Variants in PGR observed in about 807,000 individuals in gnomAD.
PGR encodes progesterone receptor, also known as nuclear receptor subfamily 3 group C member 3.
In PGR, 25 loss-of-function variants were observed where a neutral mutation model predicts 76.1. The observed-to-expected ratio is 0.33, with a 90% CI of 0.24 to 0.46. The LOEUF (loss-of-function observed/expected upper bound fraction) is 0.46, where lower values mean the gene tolerates loss of function less well. Among genes scored for constraint, PGR ranks in the 20% least tolerant of loss-of-function variants. The pLI, the probability that PGR is intolerant of heterozygous loss-of-function variation, is 1.00. For missense variants in PGR, 1,172 were observed against 1,225.3 expected (o/e 0.96, Z 0.65); for synonymous variants, 579 against 535.0 (o/e 1.08, Z -1.14).
At chr11:101,076,919 AT>A (rs59106149) in intron 3 of PGR, among the ~76,000 whole-genome samples, 1,426 of 64,984 alleles carry the variant, frequency 0.022, 10 homozygotes, top group African/African-American at 0.068. Flanking sequence ...TACAAATGGA[AT>A]TTTTTTTTTT....
Position 101,128,843 on chromosome 11 carries a change from G to A in PGR, c.228C>T (p.Asp76=), listed in dbSNP as rs760178815. Residue 76 remains aspartate (D), a synonymous_variant, in exon 1 of 8, where the codon GAC becomes GAT. Transcript: ENST00000325455. ...GQDPSDEKTQ[D]QQSLSDVEGA... ...CCTCCACGTCCGACAGCGACTGCTG[G>A]TCCTGCGTCTTTTCGTCGGAGGGGT... The A allele has an allele frequency of 1.9e-6, 3 of 1,614,170 alleles. No individual in the cohort carries two copies. The highest frequency in any genetic ancestry group is 4.5e-5 in the East Asian group (2 of 44,862).
At chr11:101,094,502 A>G (rs1181053259) in intron 2 of PGR, among the ~76,000 whole-genome samples, 2 of 151,892 alleles carry the variant, frequency 1.3e-5, no homozygotes, top group African/African-American at 4.8e-5. Context: ...CTTATTCCTT[A>G]TATGTGGTGT....
chr11:101,059,457 C>A (rs6590837), intron 4 of PGR, among the ~76,000 whole-genome samples: 3,119 of 152,064 alleles, frequency 0.021, 82 homozygotes, highest in African/African-American at 0.057. Flanking sequence ...AAAGCCCATG[C>A]AAAATCACTC....
intron 6 of PGR, among the ~76,000 whole-genome samples, chr11:101,044,981 A>G (rs1859818245): frequency 6.6e-6 from 1 of 152,080 alleles, no homozygotes; most frequent in African/African-American, 2.4e-5. Flanking sequence ...TGCTGGAATT[A>G]CGGGCTTGAG....
rs1286089041 is a variant in PGR at position 101,042,089 on chromosome 11, C to A, written c.2502G>T (p.Gly834=). The A allele has an allele frequency of 6.2e-7, 1 of 1,613,216 alleles. No individual in the cohort carries two copies. Among genetic ancestry groups the A allele is most frequent in the African/African-American group, 1.3e-5 (1 of 74,822 alleles). Residue 834 remains glycine, a synonymous_variant, in exon 7 of 8, where the codon GGG becomes GGT. Coordinates refer to ENST00000325455, the MANE Select transcript of PGR (RefSeq NM_000926.4). ...CCTCAAACTGGGTTTGACTTCGTAG[C>A]CCTTCCAAAGGAACTGTTAAGAAGA... ...LLLLNTIPLE[G]LRSQTQFEEM...
rs550964369 is a variant in PGR at position 101,113,483 on chromosome 11, G to C, written c.1789+12524C>G. On this transcript the variant is annotated intron_variant, in intron 2 of 7. Transcript: ENST00000325455. ...GGGTTTCTTTCACCGTGTTAGCCAG[G>C]ATGGTCACGATCTCCTGACCTCGTG... Among the ~76,000 whole-genome samples, 7 of 151,686 alleles carry C rather than the reference G, an allele frequency of 4.6e-5. No homozygotes were observed. The East Asian group carries it at 1.4e-3, about 29-fold the overall frequency.
At chr11:101,093,671 C>A (rs1861748402) in intron 2 of PGR, among the ~76,000 whole-genome samples, 1 of 152,160 alleles carries the variant, frequency 6.6e-6, no homozygotes, top group African/African-American at 2.4e-5. Flanking sequence ...GTTGGTCAGG[C>A]TGGTCTCGAA....
At position 101,037,901 on chromosome 11, in the gene PGR, T is replaced by C. The variant is rs140035387; in HGVS notation, c.*1215A>G. ...TCCCAGACTCCCAGGAGAGTCACAA[T>C]TGTAAAATAACATGCTACTGTAACT... On this transcript the variant is annotated 3_prime_UTR_variant, in exon 8 of 8. Transcript: ENST00000325455. 6.6e-4 allele frequency: 142 copies of C among 215,466 alleles called. No individual in the cohort carries two copies. The highest frequency in any genetic ancestry group is 2.1e-3 in the African/African-American group (93 of 44,430). 13.3% of individuals were successfully genotyped at this position (215,466 alleles called of 1,614,324 possible). A position where few individuals can be genotyped will look rare whatever the true frequency, so the allele number is the denominator to read the frequency against.
At chr11:101,103,302 G>A (rs543215) in intron 2 of PGR, among the ~76,000 whole-genome samples, 108,289 of 151,882 alleles carry the variant, frequency 0.71, 40,280 homozygotes, top group Non-Finnish European at 0.83. Flanking sequence ...TCTTTGGACT[G>A]GAATCTAAGA....
At position 101,030,366 on chromosome 11, in the gene PGR, A is replaced by G. The variant is rs1341684136; in HGVS notation, c.*8750T>C. 1.3e-5 allele frequency: 3 copies of G among 227,436 alleles called. No homozygotes were observed. Among genetic ancestry groups the G allele is most frequent in the East Asian group, 1.3e-4 (2 of 15,818 alleles). The allele number at this position is 227,436 out of a possible 1,614,324, so 14.1% of individuals were successfully genotyped here. On this transcript the variant is annotated 3_prime_UTR_variant, in exon 8 of 8. Coordinates refer to ENST00000325455, the MANE Select transcript of PGR (RefSeq NM_000926.4). ...TTAAAACATTACATAGAAAATAAGT[A>G]TGTGATGATATCGTTAAAATACATG...
rs537118918 is a variant in PGR at position 101,072,397 on chromosome 11, T to A, written c.1907-9645A>T. ...CATGCCAAATTGTAAAGACCATCGA[T>A]GCTAGGAAGAAACTGCATCAACTAA... On this transcript the variant is annotated intron_variant, in intron 3 of 7. Coordinates refer to ENST00000325455, the MANE Select transcript of PGR (RefSeq NM_000926.4). Among the ~76,000 whole-genome samples the A allele has an allele frequency of 1.9e-3, 291 of 152,208 alleles. 1 individual carries two copies. Among genetic ancestry groups the A allele is most frequent in the African/African-American group, 6.8e-3 (282 of 41,540 alleles).
In PGR at chr11:101,120,034, C is replaced by T. The variant is rs1048271139; in HGVS notation, c.1789+5973G>A. On this transcript the variant is annotated intron_variant, in intron 2 of 7. Transcript: ENST00000325455. ...AGTGCCTGGGTTATAGTGAAGGCGA[C>T]TTAAGTGACTATTAAATGAATAAGC... Among the ~76,000 whole-genome samples, 4 of 152,298 alleles carry T rather than the reference C, an allele frequency of 2.6e-5. No homozygotes were observed. In the South Asian group the frequency reaches 8.3e-4, roughly 32 times the overall value.
In PGR at chr11:101,128,477, C is replaced by T. The variant is rs1388271217; in HGVS notation, c.594G>A (p.Pro198=). 4 of 1,607,632 alleles carry T rather than the reference C, an allele frequency of 2.5e-6. No individual in the cohort carries two copies. Among genetic ancestry groups the T allele is most frequent in the Non-Finnish European group, 3.4e-6 (4 of 1,179,238 alleles). Residue 198 remains proline, a synonymous_variant, in exon 1 of 8, where the codon CCG becomes CCA. Coordinates refer to ENST00000325455, the MANE Select transcript of PGR (RefSeq NM_000926.4). ...GLSPARQLLL[P]ASESPHWSGA... ...CGGACCAGTGAGGGCTCTCAGAGGC[C>T]GGGAGCAGCAGCTGCCGGGCTGGTG...
chr11:101,071,230 G>A (rs1043302457), intron 3 of PGR, among the ~76,000 whole-genome samples: 6 of 152,116 alleles, frequency 3.9e-5, no homozygotes, highest in Admixed American at 6.5e-5. Flanking sequence ...TGCAGCAGAG[G>A]GGCCTGACTG....
In PGR at chr11:101,098,685, T is replaced by TATAAGAAATGCCTAAAAG. The variant is rs1365304379; in HGVS notation, c.1790-6827_1790-6810dup. Among the ~76,000 whole-genome samples the TATAAGAAATGCCTAAAAG allele has an allele frequency of 3.9e-5, 6 of 152,292 alleles. No individual in the cohort carries two copies. The East Asian group carries it at 9.6e-4, about 24-fold the overall frequency. On this transcript the variant is annotated intron_variant, in intron 2 of 7. Coordinates refer to ENST00000325455, the MANE Select transcript of PGR (RefSeq NM_000926.4). The stretch of plus-strand genomic sequence containing the variant: ...GATCCAAAAAAGTTTCAGATACAGA[T>TATAAGAAATGCCTAAAAG]ATAAGAAATGCCTAAAAGATAAGAA...
chr11:101,127,703 C>A lies in PGR; in HGVS notation c.1368G>T (p.Ser456=). 1 of 1,583,234 alleles carries A rather than the reference C, an allele frequency of 6.3e-7. No homozygotes were observed. Among genetic ancestry groups the A allele is most frequent in the Non-Finnish European group, 8.5e-7 (1 of 1,173,748 alleles). The change falls in exon 1 of 8, where the codon TCG becomes TCT. Residue 456 remains serine (S), a synonymous_variant. Coordinates refer to ENST00000325455, the MANE Select transcript of PGR (RefSeq NM_000926.4). Reference sequence around the variant, plus strand: ...CTTTGTACAGGATGCACTCCAGGGTCGACCCCGAGGAGGACGCAGACGAGA... The same window carrying A: ...CTTTGTACAGGATGCACTCCAGGGTAGACCCCGAGGAGGACGCAGACGAGA... ...ASVSSASSSG[S]TLECILYKAE...
chr11:101,088,714 C>T (rs1411621513), intron 3 of PGR, among the ~76,000 whole-genome samples: 1 of 152,160 alleles, frequency 6.6e-6, no homozygotes, highest in African/African-American at 2.4e-5. Context: ...AATTGTTCTA[C>T]TAGAAAGACA....
intron 2 of PGR, among the ~76,000 whole-genome samples, chr11:101,122,012 A>G (rs1176700300): frequency 3.3e-5 from 5 of 152,104 alleles, no homozygotes; most frequent in Admixed American, 3.3e-4. Flanking sequence ...AAAATTAGCC[A>G]GGCGTGGTGG....
intron 4 of PGR, among the ~76,000 whole-genome samples, chr11:101,054,185 AT>A (rs909665319): frequency 6.6e-6 from 1 of 150,886 alleles, no homozygotes; most frequent in South Asian, 2.1e-4. Context: ...TCAGTAAATT[AT>A]TTTTTTTCTT....
Sources: gnomAD v4.1 joint callset for allele counts (sites outside exome capture counted in the v4.1 genomes callset) on GRCh38, gnomAD v4.1.1 for gene constraint, MANE v1.5 for transcripts, NCBI Gene and HGNC (gene_info 2026-07-23, HGNC 2026-07-21) for gene names.